The following MICAL3 variants were observed in gnomAD, a reference collection of about 807,000 sequenced individuals.
The protein encoded by MICAL3 is [F-actin]-monooxygenase MICAL3.
A neutral mutation model predicts 207.4 loss-of-function variants in MICAL3; 62 were observed. The observed-to-expected ratio is 0.30, with a 90% CI of 0.24 to 0.37. MICAL3 has a LOEUF of 0.37. Ranked by LOEUF, MICAL3 falls within the 10% of genes least tolerant of loss-of-function variation. The pLI, the probability that MICAL3 is intolerant of heterozygous loss-of-function variation, is 1.00. For missense variants in MICAL3, 2,368 were observed against 2,635.6 expected (o/e 0.90, Z 2.22); for synonymous variants, 1,077 against 1,069.3 (o/e 1.01, Z -0.14).
At chr22:17,909,682 C>G (rs1931988042) in intron 1 of MICAL3, among the ~76,000 whole-genome samples, 1 of 152,190 alleles carries the variant, frequency 6.6e-6, no homozygotes, top group African/African-American at 2.4e-5. Flanking sequence ...AAGAGAAATA[C>G]TTTACAGTTC....
intron 1 of MICAL3, among the ~76,000 whole-genome samples, chr22:17,952,179 C>T (rs1181084937): frequency 6.6e-6 from 1 of 152,220 alleles, no homozygotes; most frequent in Non-Finnish European, 1.5e-5. Context: ...TGTACAAAGA[C>T]AGGACTGGAC....
intron 1 of MICAL3, among the ~76,000 whole-genome samples, chr22:18,011,462 T>A (rs1028822440): frequency 9.3e-5 from 14 of 150,340 alleles, no homozygotes; most frequent in Non-Finnish European, 5.9e-5. Context: ...GGAGAATGGC[T>A]TGAACCTCCC....
At position 17,866,041 on chromosome 22, in the gene MICAL3, G is replaced by A. The variant is rs770470420; in HGVS notation, c.2429-29C>T. The A allele has an allele frequency of 1.4e-5, 21 of 1,553,412 alleles. 1 individual carries two copies. The highest frequency in any genetic ancestry group is 3.3e-5 in the South Asian group (3 of 89,806). ...CAGACAGCAAGAGGCAGGGACAGAGGCGATGAGCCAGGCACGGATCCTGAA... is the reference window on the plus strand; with the variant it reads ...CAGACAGCAAGAGGCAGGGACAGAGACGATGAGCCAGGCACGGATCCTGAA... On this transcript the variant is annotated intron_variant, in intron 17 of 31. Coordinates refer to ENST00000441493, the MANE Select transcript of MICAL3 (RefSeq NM_015241.3).
At chr22:17,881,123 G>A in intron 16 of MICAL3, 4 of 1,145,992 alleles carry the variant, frequency 3.5e-6, no homozygotes, top group South Asian at 1.3e-5. Flanking sequence ...AAGAGGGAAA[G>A]TGACTTGGTC....
Position 17,818,739 on chromosome 22 carries a change from G to A in MICAL3, c.3922C>T (p.Leu1308=). ...VQSQSDTKDR[L]GSPLAVDEAL... ...TCATCCACAGCAAGGGGGCTGCCCAGTCTGTCCTTGGTGTCACTTTGGCTT... is the reference window on the plus strand; with the variant it reads ...TCATCCACAGCAAGGGGGCTGCCCAATCTGTCCTTGGTGTCACTTTGGCTT... The change falls in exon 26 of 32, where the codon CTG becomes TTG. Residue 1308 remains leucine (L), a synonymous_variant. Transcript: ENST00000441493. 1 of 1,607,712 alleles carries A rather than the reference G, an allele frequency of 6.2e-7. No homozygotes were observed. Among genetic ancestry groups the A allele is most frequent in the Non-Finnish European group, 8.5e-7 (1 of 1,175,568 alleles).
At chr22:17,960,521 T>C (rs11705221) in intron 1 of MICAL3, among the ~76,000 whole-genome samples, 30,444 of 151,972 alleles carry the variant, frequency 0.2, 3,212 homozygotes, top group Middle Eastern at 0.27. Context: ...GAAGGAAACA[T>C]GCACCCTGGA....
rs1482911364 is a variant in MICAL3 at position 17,841,768 on chromosome 22, G to A, written c.2801+54C>T. 5.3e-6 allele frequency: 8 copies of A among 1,517,092 alleles called. No homozygotes were observed. The African/African-American group carries it at 9.6e-5, about 18-fold the overall frequency. The allele number at this position is 1,517,092 out of a possible 1,614,324, so 94.0% of individuals were successfully genotyped here. ...AAGAAACCGAGACACACAGAGGTGA[G>A]GAGGCTCTTAGGGCCGTGTGGCGGG... is the stretch of plus-strand genomic sequence containing the variant. On this transcript the variant is annotated intron_variant, in intron 20 of 31. Coordinates refer to ENST00000441493, the MANE Select transcript of MICAL3 (RefSeq NM_015241.3). The surrounding 1 kb of genome is among the most constrained non-coding windows in gnomAD (Gnocchi z 4.2).
At chr22:17,840,419 A>T (rs1923898111) in intron 20 of MICAL3, 1 of 152,182 alleles carries the variant, frequency 6.6e-6, no homozygotes, top group Non-Finnish European at 1.5e-5. Flanking sequence ...ATCTTTTTTT[A>T]ACTTCAATCT....
At chr22:17,870,783 C>T (rs57831065) in intron 17 of MICAL3, among the ~76,000 whole-genome samples, 31,559 of 152,020 alleles carry the variant, frequency 0.21, 4,847 homozygotes, top group African/African-American at 0.43. Flanking sequence ...CATTCTTCCC[C>T]GACTCGGGAG....
At position 17,935,990 on chromosome 22, in the gene MICAL3, G is replaced by A. The variant is rs562881538; in HGVS notation, c.-74-29104C>T. The stretch of plus-strand genomic sequence containing the variant: ...TACACTGTTGGTGGGAGTGTAAATT[G>A]ATTCAACCATTGTGGAAGACAGTGT... On this transcript the variant is annotated intron_variant, in intron 1 of 31. Transcript: ENST00000441493. Among the ~76,000 whole-genome samples, 645 of 152,262 alleles carry A rather than the reference G, an allele frequency of 4.2e-3. 2 individuals carry two copies. Among genetic ancestry groups the A allele is most frequent in the African/African-American group, 0.015 (614 of 41,542 alleles).
chr22:17,926,850 T>C (rs1189633936), intron 1 of MICAL3, among the ~76,000 whole-genome samples: 1 of 152,228 alleles, frequency 6.6e-6, no homozygotes, highest in Non-Finnish European at 1.5e-5. Context: ...CTTCATTATC[T>C]CTACCTGGAC....
intron 28 of MICAL3, among the ~76,000 whole-genome samples, chr22:17,809,912 G>A (rs1277234241): frequency 2.0e-5 from 3 of 151,744 alleles, no homozygotes; most frequent in Non-Finnish European, 4.4e-5. Context: ...TTTATGAGAT[G>A]GAGGCTCGCC....
At chr22:17,866,616 A>AATAGAATAGAATAGC (rs1185213928) in intron 17 of MICAL3, among the ~76,000 whole-genome samples, 1 of 117,922 alleles carries the variant, frequency 8.5e-6, no homozygotes, top group East Asian at 2.5e-4. Context: ...AACAGAACAG[A>AATAGAATAGAATAGC]ATAGAATAGA....
chr22:17,900,737 G>T lies in MICAL3; in HGVS notation c.847+105C>A. The T allele has an allele frequency of 1.1e-6, 1 of 916,732 alleles. No individual in the cohort carries two copies. The highest frequency in any genetic ancestry group is 1.7e-6 in the Non-Finnish European group (1 of 581,880). 56.8% of individuals were successfully genotyped at this position (916,732 alleles called of 1,614,324 possible). On this transcript the variant is annotated intron_variant, in intron 6 of 31. Coordinates refer to ENST00000441493, the MANE Select transcript of MICAL3 (RefSeq NM_015241.3). The surrounding 1 kb of genome is among the most constrained non-coding windows in gnomAD (Gnocchi z 4.0). ...GAAAAGAGCAGGAGGGGCAGACAGT[G>T]CAGGAGGGACACCGACGGCCACTCA...
intron 1 of MICAL3, among the ~76,000 whole-genome samples, chr22:18,021,098 T>C (rs1924445527): frequency 2.0e-5 from 3 of 152,230 alleles, no homozygotes; most frequent in African/African-American, 7.2e-5. Flanking sequence ...GGTAGCACCC[T>C]AAAGATGAAC....
At chr22:18,014,391 C>T (rs993978917) in intron 1 of MICAL3, among the ~76,000 whole-genome samples, 4 of 152,116 alleles carry the variant, frequency 2.6e-5, no homozygotes, top group African/African-American at 7.2e-5. Flanking sequence ...TTAGGCCATT[C>T]GATCTGAAAA....
chr22:17,850,400 GTTTTTTTTTTTTTTTTTT>G (rs565667574), intron 19 of MICAL3, among the ~76,000 whole-genome samples: 1 of 74,386 alleles, frequency 1.3e-5, no homozygotes. Flanking sequence ...TTTTGAATTA[GTTTTTTTTTTTTTTTTTT>G]TTTTTTTTTT....
intron 16 of MICAL3, 44 bp downstream of exon 16, chr22:17,885,834 T>G: frequency 1.6e-5 from 25 of 1,586,130 alleles, no homozygotes; most frequent in South Asian, 2.2e-5. Context: ...CCTTCTTGTG[T>G]GATCTGACCA....
chr22:17,922,740 A>G (rs1307193723), intron 1 of MICAL3, among the ~76,000 whole-genome samples: 2 of 152,156 alleles, frequency 1.3e-5, no homozygotes, highest in African/African-American at 2.4e-5. Flanking sequence ...TTATTCTCCA[A>G]TAAGGTAGCT....
Sources: gnomAD v4.1 joint callset for allele counts (sites outside exome capture counted in the v4.1 genomes callset) on GRCh38, gnomAD v4.1.1 for gene constraint, Gnocchi (gnomAD v3.1) non-coding constraint, MANE v1.5 for transcripts, NCBI Gene and HGNC (gene_info 2026-07-23, HGNC 2026-07-21) for gene names.